The following SNX29 variants were observed in gnomAD, a reference collection of about 807,000 sequenced individuals.
SNX29 encodes sorting nexin-29.
SNX29 carries 78 observed loss-of-function variants against 102.1 expected under a neutral mutation model. The ratio of observed to expected loss-of-function variants is 0.76; its 90% CI spans 0.64 to 0.92. The LOEUF is 0.92. SNX29 is among the 40% of genes least tolerant of loss of function. The pLI, the probability that SNX29 is intolerant of heterozygous loss-of-function variation, is 0.00. For synonymous variants in SNX29, 580 were observed against 414.5 expected, an observed-to-expected ratio of 1.40 and a Z score of -4.85; for missense variants, 1,280 against 1,061.7, an observed-to-expected ratio of 1.21 and a Z score of -2.86.
chr16:12,298,344 C>G (rs2080050164), intron 15 of SNX29, among the ~76,000 whole-genome samples: 2 of 152,156 alleles, frequency 1.3e-5, no homozygotes, highest in Non-Finnish European at 2.9e-5. Context: ...GACTCCTCAT[C>G]CCCTGGATGG....
At chr16:12,531,533 GC>G (rs746904392) in intron 20 of SNX29, among the ~76,000 whole-genome samples, 1 of 152,070 alleles carries the variant, frequency 6.6e-6, no homozygotes, top group Non-Finnish European at 1.5e-5. Context: ...AGCACCATCT[GC>G]CCCGTGGTCC....
chr16:12,216,908 C>T (rs1424753878), intron 14 of SNX29, among the ~76,000 whole-genome samples: 5 of 152,220 alleles, frequency 3.3e-5, no homozygotes, highest in Non-Finnish European at 7.3e-5. Flanking sequence ...CAGCTAGCTG[C>T]AAGGGATGCT....
intron 15 of SNX29, among the ~76,000 whole-genome samples, chr16:12,347,734 G>T (rs921528491): frequency 6.6e-6 from 1 of 152,048 alleles, no homozygotes; most frequent in Admixed American, 6.5e-5. Context: ...TTTGTACCTC[G>T]TGACAAACCT....
chr16:12,558,442 A>G (rs1246078887), intron 20 of SNX29, among the ~76,000 whole-genome samples: 2 of 152,232 alleles, frequency 1.3e-5, no homozygotes, highest in Non-Finnish European at 2.9e-5. Context: ...AAGCATTGGT[A>G]GACTTCTGTA....
At chr16:12,159,263 G>A (rs1270015800) in intron 13 of SNX29, among the ~76,000 whole-genome samples, 1 of 152,196 alleles carries the variant, frequency 6.6e-6, no homozygotes, top group Admixed American at 6.5e-5. Context: ...AGCATTGTAG[G>A]GAGTTGGCTT....
At position 12,026,714 on chromosome 16, in the gene SNX29, A is replaced by T. The variant is rs374165971; in HGVS notation, c.123-606A>T. The stretch of plus-strand genomic sequence containing the variant: ...CTCTTACAACAGAATAAAGAACAAG[A>T]ATCAGAATTCATATTATTATTATTT... On this transcript the variant is annotated intron_variant, in intron 3 of 20. Coordinates refer to ENST00000566228, the MANE Select transcript of SNX29 (RefSeq NM_032167.5). Among the ~76,000 whole-genome samples, 6 of 152,374 alleles carry T rather than the reference A, an allele frequency of 3.9e-5. No homozygotes were observed. The South Asian group carries it at 8.3e-4, about 21-fold the overall frequency.
intron 13 of SNX29, among the ~76,000 whole-genome samples, chr16:12,194,462 T>C (rs1003405207): frequency 3.9e-5 from 6 of 152,008 alleles, no homozygotes; most frequent in African/African-American, 1.2e-4. Flanking sequence ...AACCTGTATG[T>C]TTTTTTGGGT....
At position 12,199,916 on chromosome 16, in the gene SNX29, T is replaced by C. The variant is rs565258339; in HGVS notation, c.1678+233T>C. ...TGCTAGACTATTAGCAACAGTCTTA[T>C]TGGTTTGTGTACTTAGAGAATTTTA... On this transcript the variant is annotated intron_variant, in intron 14 of 20. Transcript: ENST00000566228. Among the ~76,000 whole-genome samples the C allele has an allele frequency of 1.1e-4, 16 of 152,300 alleles. 1 individual carries two copies. The South Asian group carries it at 2.3e-3, about 22-fold the overall frequency.
chr16:12,427,143 C>T (rs762521110), intron 18 of SNX29, among the ~76,000 whole-genome samples: 1 of 151,998 alleles, frequency 6.6e-6, no homozygotes, highest in African/African-American at 2.4e-5. Context: ...CCAGATGTAG[C>T]ACCCCTTGGG....
At chr16:12,259,919 C>A (rs556500721) in intron 14 of SNX29, among the ~76,000 whole-genome samples, 2 of 152,078 alleles carry the variant, frequency 1.3e-5, no homozygotes, top group South Asian at 2.1e-4. Context: ...GCCCTGCCAC[C>A]CCCTAATCCC....
intron 20 of SNX29, among the ~76,000 whole-genome samples, chr16:12,567,599 C>T (rs372791178): frequency 1.3e-5 from 2 of 152,130 alleles, no homozygotes; most frequent in Admixed American, 6.5e-5. Flanking sequence ...AAGACCCCAT[C>T]TCTACAAAAA....
chr16:12,497,618 A>G (rs1458623267), intron 19 of SNX29, among the ~76,000 whole-genome samples: 1 of 152,054 alleles, frequency 6.6e-6, no homozygotes. Flanking sequence ...CTTCTCTTGT[A>G]TTTGCTGACA....
chr16:12,243,516 C>G (rs1358894042), intron 14 of SNX29, among the ~76,000 whole-genome samples: 1 of 152,210 alleles, frequency 6.6e-6, no homozygotes, highest in Non-Finnish European at 1.5e-5. Flanking sequence ...TTTACTAGAT[C>G]CTGCTGGTTA....
intron 15 of SNX29, among the ~76,000 whole-genome samples, chr16:12,322,961 G>A (rs1321884750): frequency 4.4e-5 from 5 of 114,464 alleles, no homozygotes; most frequent in African/African-American, 1.7e-4. Context: ...AGTCACCGGG[G>A]ACCACTGTCA....
At chr16:12,177,211 C>G (rs948389653) in intron 13 of SNX29, among the ~76,000 whole-genome samples, 3 of 152,154 alleles carry the variant, frequency 2.0e-5, no homozygotes, top group African/African-American at 7.2e-5. Context: ...CTCAGCCTCC[C>G]AAAGTGCTGG....
At chr16:12,453,855 T>A (rs571387672) in intron 18 of SNX29, among the ~76,000 whole-genome samples, 1 of 152,120 alleles carries the variant, frequency 6.6e-6, no homozygotes, top group South Asian at 2.1e-4. Context: ...ATCTTTGGAA[T>A]TTTTTTTGTC....
At chr16:12,305,927 A>C (rs1015699560) in intron 15 of SNX29, among the ~76,000 whole-genome samples, 43 of 152,120 alleles carry the variant, frequency 2.8e-4, no homozygotes, top group African/African-American at 1.0e-3. Context: ...CAAAGATTCT[A>C]TTTCAACAAA....
chr16:12,225,574 A>G (rs1004860768), intron 14 of SNX29, among the ~76,000 whole-genome samples: 3 of 152,334 alleles, frequency 2.0e-5, no homozygotes, highest in South Asian at 2.1e-4. Flanking sequence ...CTATAAGTCC[A>G]TTAGACCTCT....
chr16:12,556,032 T>G (rs914569592), intron 20 of SNX29, among the ~76,000 whole-genome samples: 1 of 152,224 alleles, frequency 6.6e-6, no homozygotes, highest in East Asian at 1.9e-4. Flanking sequence ...CATGCCACCG[T>G]AGTGCTGAGT....
Sources: allele counts gnomAD v4.1 joint callset (sites outside exome capture counted in the v4.1 genomes callset), GRCh38; gene constraint gnomAD v4.1.1; transcripts MANE v1.5; gene names NCBI Gene and HGNC (gene_info 2026-07-23, HGNC 2026-07-21).